ICE1: variants seen among roughly 807,000 people sequenced by gnomAD.
The protein encoded by ICE1 is little elongation complex subunit 1.
In ICE1, 64 loss-of-function variants were observed where a neutral mutation model predicts 192.7. That is an observed-to-expected ratio of 0.33 (90% CI 0.27 to 0.41). ICE1 has a LOEUF of 0.41. ICE1 is among the 10% of genes least tolerant of loss of function. The pLI is 1.00. For missense variants in ICE1, 2,708 were observed against 2,696.0 expected (o/e 1.00, Z -0.10); for synonymous variants, 1,010 against 984.5 (o/e 1.03, Z -0.49).
rs563909182 is a variant in ICE1, at chr5:5,463,718, A to G, written c.4384A>G (p.Ile1462Val). ...QDQGELEAGC[I>V]PVTSAEKSPE... is the part of the protein sequence containing the mutation. Reference sequence around the variant, plus strand: ...TCAAGGAGAGCTGGAAGCTGGTTGCATCCCAGTGACTTCTGCTGAGAAGTC... The same window carrying G: ...TCAAGGAGAGCTGGAAGCTGGTTGCGTCCCAGTGACTTCTGCTGAGAAGTC... The change falls in exon 13 of 19, where the codon ATC becomes GTC. Residue 1462 changes from isoleucine to valine, a missense_variant. Ile to Val is a conservative substitution (Grantham distance 29, BLOSUM62 3). Coordinates refer to ENST00000296564, the MANE Select transcript of ICE1 (RefSeq NM_015325.3). 6.2e-7 allele frequency: 1 copy of G among 1,613,900 alleles called. No homozygotes were observed. Among genetic ancestry groups the G allele is most frequent in the South Asian group, 1.1e-5 (1 of 91,080 alleles).
Position 5,461,095 on chromosome 5 carries a change from A to ATT in ICE1, c.1761_1762insTT (p.Leu588PhefsTer18). ...TCACAGTTTCTGGCCATTTTCACAG[A>ATT]CTATCTAGAGAATTGGAAAAGGAAA... On this transcript the variant is annotated frameshift_variant, in exon 13 of 19. Coordinates refer to ENST00000296564, the MANE Select transcript of ICE1 (RefSeq NM_015325.3). LOFTEE classifies it high-confidence loss of function. 6.2e-7 allele frequency: 1 copy of ATT among 1,614,074 alleles called. No homozygotes were observed. The highest frequency in any genetic ancestry group is 2.2e-5 in the East Asian group (1 of 44,890).
chr5:5,445,837 C>T (rs1208132399), intron 7 of ICE1, among the ~76,000 whole-genome samples: 1 of 151,190 alleles, frequency 6.6e-6, no homozygotes, highest in Non-Finnish European at 1.5e-5. Context: ...GGTTCTGCTT[C>T]AGCCTCCTGA....
At chr5:5,441,997 T>C (rs1738066825) in intron 5 of ICE1, among the ~76,000 whole-genome samples, 1 of 152,216 alleles carries the variant, frequency 6.6e-6, no homozygotes, top group South Asian at 2.1e-4. Context: ...TAAGCTGAGA[T>C]GGAGCATTGG....
intron 1 of ICE1, among the ~76,000 whole-genome samples, chr5:5,428,353 G>A (rs1406610451): frequency 1.3e-5 from 2 of 152,150 alleles, no homozygotes; most frequent in Non-Finnish European, 2.9e-5. Context: ...AGAGCAGTTA[G>A]TAAACAGCAA....
In ICE1 at chr5:5,478,341, GT is replaced by G. The variant is rs1166498135; in HGVS notation, c.6520+2263del. On this transcript the variant is annotated intron_variant, in intron 17 of 18. Transcript: ENST00000296564. Reference sequence around the variant, plus strand: ...ATAGACAAGCATAGAGCTAAATCATGTGTGAACTCCCATTCATAATTGCTAC... The same window carrying G: ...ATAGACAAGCATAGAGCTAAATCATGGTGAACTCCCATTCATAATTGCTAC... Among the ~76,000 whole-genome samples, 17 of 151,668 alleles carry G rather than the reference GT, an allele frequency of 1.1e-4. 1 individual carries two copies. Among genetic ancestry groups the G allele is most frequent in the Admixed American group, 1.1e-3 (17 of 15,226 alleles).
Position 5,464,682 on chromosome 5 carries a change from G to GT in ICE1, c.5349dup (p.Lys1784Ter). The GT allele has an allele frequency of 6.2e-7, 1 of 1,613,954 alleles. No homozygotes were observed. Among genetic ancestry groups the GT allele is most frequent in the Non-Finnish European group, 8.5e-7 (1 of 1,179,880 alleles). Reference sequence around the variant, plus strand: ...CTCACACGAGGTCCGCCTGCTGACTGTAAGAATTTACCGGGACCTGCCAGT... The same window carrying GT: ...CTCACACGAGGTCCGCCTGCTGACTGTTAAGAATTTACCGGGACCTGCCAGT... On this transcript the variant is annotated frameshift_variant, in exon 13 of 19. Coordinates refer to ENST00000296564, the MANE Select transcript of ICE1 (RefSeq NM_015325.3). LOFTEE classifies it high-confidence loss of function. The surrounding 1 kb of genome is among the most constrained non-coding windows in gnomAD (Gnocchi z 4.0).
intron 15 of ICE1, among the ~76,000 whole-genome samples, chr5:5,471,412 A>G (rs1476029522): frequency 1.3e-5 from 2 of 152,188 alleles, no homozygotes; most frequent in Non-Finnish European, 2.9e-5. Context: ...CCAAGTAACT[A>G]TAATCTATTT....
chr5:5,431,247 A>T (rs1027937311), intron 1 of ICE1, among the ~76,000 whole-genome samples: 2 of 152,242 alleles, frequency 1.3e-5, no homozygotes, highest in African/African-American at 4.8e-5. Flanking sequence ...AAAGAGGAAG[A>T]ATCACTTTTA....
Position 5,457,333 on chromosome 5 carries a change from A to G in ICE1, c.693A>G (p.Glu231=). Residue 231 remains glutamate (E), a splice_region_variant and synonymous_variant, in exon 12 of 19, where the codon GAA becomes GAG. Coordinates refer to ENST00000296564, the MANE Select transcript of ICE1 (RefSeq NM_015325.3). ...LPGEGSRCVP[E]KPAKAITSSR... ...ACCTACTTTTGTTCCCCCACATAGA[A>G]AAACCTGCCAAAGCAATCACCAGCT... 6.3e-7 allele frequency: 1 copy of G among 1,591,666 alleles called. No homozygotes were observed. The highest frequency in any genetic ancestry group is 1.7e-4 in the Middle Eastern group (1 of 5,912).
intron 6 of ICE1, 56 bp downstream of exon 6, chr5:5,443,300 A>T: frequency 1.0e-6 from 1 of 961,208 alleles, no homozygotes; most frequent in Non-Finnish European, 1.5e-6. Context: ...AAAATACGTA[A>T]TTCTTAAGTC....
intron 4 of ICE1, 88 bp from the exon 5 acceptor site, chr5:5,441,018 CCAAGTT>C (rs1249764688): frequency 1.3e-6 from 1 of 740,850 alleles, no homozygotes; most frequent in African/African-American, 1.8e-5. Flanking sequence ...TTTTTTTGTT[CCAAGTT>C]AGCAATAAAA....
At position 5,439,896 on chromosome 5, in the gene ICE1, G is replaced by A. The variant is rs1737987312; in HGVS notation, c.180G>A (p.Glu60=). 5 of 1,552,596 alleles carry A rather than the reference G, an allele frequency of 3.2e-6. No individual in the cohort carries two copies. Among genetic ancestry groups the A allele is most frequent in the Non-Finnish European group, 4.4e-6 (5 of 1,147,020 alleles). ...LLTEYQKKCD[E]LQFARRENSN... ...AGAGTTTTCTTTAATAAGTTTTACA[G>A]CTGCAGTTTGCAAGAAGGTGAGCCA... The change falls in exon 4 of 19, where the codon GAG becomes GAA. Residue 60 remains glutamate (E), a splice_region_variant and synonymous_variant. Transcript: ENST00000296564.
At position 5,463,264 on chromosome 5, in the gene ICE1, C is replaced by T. The variant is rs373672307; in HGVS notation, c.3930C>T (p.Gly1310=). ...KEKSPFRETT[G]SSSHASEPTP... ...AAAGTCCATTTCGGGAAACGACTGG[C>T]TCCTCATCACATGCTTCAGAACCAA... The change falls in exon 13 of 19, where the codon GGC becomes GGT. Residue 1310 remains glycine (G), a synonymous_variant. Coordinates refer to ENST00000296564, the MANE Select transcript of ICE1 (RefSeq NM_015325.3). The T allele has an allele frequency of 3.3e-5, 53 of 1,613,336 alleles. No homozygotes were observed. The highest frequency in any genetic ancestry group is 2.8e-4 in the African/African-American group (21 of 75,018).
chr5:5,444,178 C>T, intron 6 of ICE1, 111 bp from the exon 7 acceptor site: 1 of 696,486 alleles, frequency 1.4e-6, no homozygotes, highest in East Asian at 2.7e-5. Flanking sequence ...TCAGACTGAA[C>T]ATTTGTTATA....
intron 1 of ICE1, among the ~76,000 whole-genome samples, chr5:5,435,068 T>C (rs1394524928): frequency 6.6e-6 from 1 of 152,140 alleles, no homozygotes; most frequent in Non-Finnish European, 1.5e-5. Flanking sequence ...GACAAAGGAA[T>C]GGGCAAGGAA....
At chr5:5,431,879 G>C (rs1473278087) in intron 1 of ICE1, among the ~76,000 whole-genome samples, 1 of 151,556 alleles carries the variant, frequency 6.6e-6, no homozygotes, top group Non-Finnish European at 1.5e-5. Context: ...TATTCTTTAT[G>C]TGGAACTCTT....
Position 5,422,956 on chromosome 5 carries a change from C to A in ICE1, c.41C>A (p.Ala14Glu). 1 of 1,453,738 alleles carries A rather than the reference C, an allele frequency of 6.9e-7. No individual in the cohort carries two copies. The highest frequency in any genetic ancestry group is 9.0e-7 in the Non-Finnish European group (1 of 1,105,418). The allele number at this position is 1,453,738 out of a possible 1,614,324, so 90.1% of individuals were successfully genotyped here. Residue 14 changes from alanine to glutamate, a missense_variant, in exon 1 of 19, where the codon GCG becomes GAG. This residue lies in a region of ICE1 where 2,366 missense variants were observed against 2,276.6 expected (regional missense o/e 1.04). Coordinates refer to ENST00000296564, the MANE Select transcript of ICE1 (RefSeq NM_015325.3). ...GETHSAAPGT[A>E]ADLSRCQGCA... ...ACCCATTCGGCGGCGCCCGGGACGG[C>A]GGCGGACCTGTCGCGATGTCAGGGC...
At position 5,464,757 on chromosome 5, in the gene ICE1, A is replaced by C. The variant is rs1665055708; in HGVS notation, c.5423A>C (p.Lys1808Thr). ...ACTTCAGCAGCAACTGCTTTTGTCAAAACTGGGAGCAGCTCTGGTGGTGAC... is the reference window on the plus strand; with the variant it reads ...ACTTCAGCAGCAACTGCTTTTGTCACAACTGGGAGCAGCTCTGGTGGTGAC... ...TITSAATAFV[K>T]TGSSSGGDCN... Residue 1808 changes from lysine (K) to threonine (T), a missense_variant, in exon 13 of 19, where the codon AAA (lysine) becomes ACA (threonine). Coordinates refer to ENST00000296564, the MANE Select transcript of ICE1 (RefSeq NM_015325.3). The surrounding 1 kb of genome is among the most constrained non-coding windows in gnomAD (Gnocchi z 4.0). 2 of 1,613,832 alleles carry C rather than the reference A, an allele frequency of 1.2e-6. No individual in the cohort carries two copies. The highest frequency in any genetic ancestry group is 1.7e-6 in the Non-Finnish European group (2 of 1,179,824).
rs150745253 is a variant in ICE1 at position 5,469,210 on chromosome 5, A to G, written c.6222+222A>G. On this transcript the variant is annotated intron_variant, in intron 15 of 18. Transcript: ENST00000296564. Reference sequence around the variant, plus strand: ...AGACCAAAGGATTGTGTTAATTAACAGTTTGTGTTATACACTAATTTGTGA... The same window carrying G: ...AGACCAAAGGATTGTGTTAATTAACGGTTTGTGTTATACACTAATTTGTGA... 4.7e-3 allele frequency among the ~76,000 whole-genome samples: 713 copies of G among 152,362 alleles called. 27 individuals are homozygous for G. Among genetic ancestry groups the G allele is most frequent in the Admixed American group, 0.044 (671 of 15,304 alleles).
Sources: gnomAD v4.1 joint callset for allele counts (sites outside exome capture counted in the v4.1 genomes callset) on GRCh38, gnomAD v4.1.1 for gene constraint, gnomAD v4.1.1 regional missense constraint, Gnocchi (gnomAD v3.1) non-coding constraint, MANE v1.5 for transcripts, NCBI Gene and HGNC (gene_info 2026-07-23, HGNC 2026-07-21) for gene names.